NUP160: variants seen among roughly 807,000 people sequenced by gnomAD.
NUP160 encodes nuclear pore complex protein Nup160.
In NUP160, 94 loss-of-function variants were observed where a neutral mutation model predicts 196.9. The observed-to-expected ratio is 0.48, with a 90% confidence interval of 0.40 to 0.57. NUP160 has a LOEUF of 0.57. Among genes scored for constraint, NUP160 ranks in the 20% least tolerant of loss-of-function variants. The pLI is 0.00. For missense variants in NUP160, 1,638 were observed against 1,748.3 expected (o/e 0.94, Z 1.13); for synonymous variants, 605 against 619.7 (o/e 0.98, Z 0.35).
chr11:47,812,305 G>T, exon 16 of NUP160: 1 of 1,613,774 alleles, frequency 6.2e-7, no homozygotes, highest in Non-Finnish European at 8.5e-7. Context: ...CATTTACCTG[G>T]ATTGAATCCC....
intron 7 of NUP160, among the ~76,000 whole-genome samples, chr11:47,828,939 A>C (rs12279350): frequency 0.091 from 13,879 of 152,184 alleles, 943 homozygotes; most frequent in African/African-American, 0.19. Flanking sequence ...AAACCCCACA[A>C]AACTAAAAAA....
At chr11:47,813,161 G>C in intron 14 of NUP160, 114 bp from the exon 15 acceptor site, 2 of 990,296 alleles carry the variant, frequency 2.0e-6, no homozygotes, top group South Asian at 3.1e-5. Context: ...AGGTCTCAGA[G>C]ATGCTTTGGT....
chr11:47,790,250 T>C lies in NUP160; in HGVS notation c.3512-1639A>G, dbSNP rs145932687. Among the ~76,000 whole-genome samples the C allele has an allele frequency of 5.9e-5, 9 of 151,650 alleles. No homozygotes were observed. In the East Asian group the frequency reaches 1.2e-3, roughly 20 times the overall value. The stretch of plus-strand genomic sequence containing the variant: ...CGTGAGTCACTGTGCCTGGCCTATA[T>C]ACTGTACTCTTGGTTGTGGTTGTTT... On this transcript the variant is annotated intron_variant, in intron 29 of 35. Coordinates refer to ENST00000378460, the Ensembl canonical transcript of NUP160.
intron 2 of NUP160, among the ~76,000 whole-genome samples, 198 bp downstream of exon 2, chr11:47,847,650 G>A (rs1196544132): frequency 2.0e-5 from 1 of 51,130 alleles, no homozygotes; most frequent in East Asian, 8.0e-4. Context: ...TGTGGGGGTG[G>A]GGGGGGGGAG....
rs10529981 is a variant in NUP160 at position 47,782,303 on chromosome 11, AATATATATATATATATATAT to A, written c.4116+750_4116+769del. Among the ~76,000 whole-genome samples, 144 of 40,526 alleles carry A rather than the reference AATATATATATATATATATAT, an allele frequency of 3.6e-3. 9 individuals carry two copies. The highest frequency in any genetic ancestry group is 8.8e-3 in the Admixed American group (34 of 3,856). The allele number at this position is 40,526 out of a possible 152,430, so 26.6% of individuals were successfully genotyped here. On this transcript the variant is annotated intron_variant, in intron 34 of 35. Transcript: ENST00000378460. ...CAAAACTCAGTTAAAAAAAAAAAAA[AATATATATATATATATATAT>A]ATATATATATATATATATATATATA...
chr11:47,848,155 T>TG (rs1852437843), intron 1 of NUP160, 64 bp downstream of exon 1: 6 of 1,570,870 alleles, frequency 3.8e-6, no homozygotes, highest in Non-Finnish European at 5.3e-6. Context: ...TCAGGGACCC[T>TG]GGGACCCATG....
intron 13 of NUP160, 85 bp from the exon 14 acceptor site, chr11:47,813,500 G>C (rs1446340289): frequency 1.2e-6 from 1 of 828,260 alleles, no homozygotes; most frequent in Admixed American, 2.0e-5. Context: ...TTATCATGAG[G>C]CAAACCCAAG....
rs181261174 is a variant in NUP160 at position 47,779,782 on chromosome 11, C to T, written c.4221+561G>A. Among the ~76,000 whole-genome samples the T allele has an allele frequency of 8.5e-5, 13 of 152,194 alleles. No individual in the cohort carries two copies. The East Asian group carries it at 1.7e-3, about 20-fold the overall frequency. On this transcript the variant is annotated intron_variant, in intron 35 of 35. Coordinates refer to ENST00000378460, the Ensembl canonical transcript of NUP160. Reference sequence around the variant, plus strand: ...TCACTCTGCTGTCTAGGATGGAGTGCGGTGGTGCAATCTTGGCTCACTGGA... The same window carrying T: ...TCACTCTGCTGTCTAGGATGGAGTGTGGTGGTGCAATCTTGGCTCACTGGA...
chr11:47,827,123 T>C (rs190395451), intron 7 of NUP160: 4 of 456,124 alleles, frequency 8.8e-6, no homozygotes, highest in East Asian at 1.4e-4. Flanking sequence ...TCCCAGCACA[T>C]TGGGAAGCCG....
Position 47,813,204 on chromosome 11 carries a change from G to A in NUP160, c.1786+112C>T, listed in dbSNP as rs1193776312. 3.0e-6 allele frequency: 3 copies of A among 1,003,684 alleles called. No individual in the cohort carries two copies. In the East Asian group the frequency reaches 7.5e-5, roughly 25 times the overall value. 62.2% of individuals were successfully genotyped at this position (1,003,684 alleles called of 1,614,324 possible). On this transcript the variant is annotated intron_variant, in intron 14 of 35. Coordinates refer to ENST00000378460, the Ensembl canonical transcript of NUP160. ...GTGTTCATTAAAATATTTGTGGTGT[G>A]GTAAAGTGACCAAGACAGGTGTGGC...
intron 9 of NUP160, 75 bp from the exon 10 acceptor site, chr11:47,819,533 G>T: frequency 1.0e-6 from 1 of 962,002 alleles, no homozygotes; most frequent in Non-Finnish European, 1.7e-6. Context: ...GGCAGTATCT[G>T]GGCAGGGAGG....
intron 35 of NUP160, among the ~76,000 whole-genome samples, 158 bp from the exon 36 acceptor site, chr11:47,779,352 T>C (rs60137857): frequency 0.11 from 17,446 of 152,228 alleles, 1,166 homozygotes; most frequent in Non-Finnish European, 0.15. Flanking sequence ...GTCTCCTCTG[T>C]GACTCTACTG....
At position 47,806,315 on chromosome 11, in the gene NUP160, T is replaced by TA; in HGVS notation, c.2447-4dup. On this transcript the variant is annotated splice_region_variant and splice_polypyrimidine_tract_variant and intron_variant, in intron 19 of 35. Transcript: ENST00000378460. Reference sequence around the variant, plus strand: ...CACAATAGTCTGAGGACTAGATACTTAAAAAGAAAAAGTTATGACAGTTTT... The same window carrying TA: ...CACAATAGTCTGAGGACTAGATACTTAAAAAAGAAAAAGTTATGACAGTTTT... 1 of 1,603,382 alleles carries TA rather than the reference T, an allele frequency of 6.2e-7. No homozygotes were observed. Among genetic ancestry groups the TA allele is most frequent in the South Asian group, 1.1e-5 (1 of 90,148 alleles).
chr11:47,805,447 C>CTTTTTT (rs34487443), intron 20 of NUP160, among the ~76,000 whole-genome samples: 3 of 133,298 alleles, frequency 2.3e-5, no homozygotes, highest in Admixed American at 7.7e-5. Flanking sequence ...TGAATAATGT[C>CTTTTTT]TTTTTTTTTT....
intron 2 of NUP160, among the ~76,000 whole-genome samples, chr11:47,845,331 G>A (rs369848250): frequency 1.3e-5 from 2 of 152,112 alleles, no homozygotes; most frequent in Non-Finnish European, 2.9e-5. Context: ...GTAGAGACAC[G>A]GTTTCACCAT....
chr11:47,831,079 C>T (rs1852064444), intron 7 of NUP160, among the ~76,000 whole-genome samples: 1 of 152,062 alleles, frequency 6.6e-6, no homozygotes, highest in Non-Finnish European at 1.5e-5. Context: ...GGGAGAATCG[C>T]TTGAACCTGG....
intron 7 of NUP160, among the ~76,000 whole-genome samples, chr11:47,824,993 G>A (rs1286516551): frequency 7.9e-5 from 12 of 151,766 alleles, no homozygotes; most frequent in African/African-American, 2.2e-4. Context: ...CTGCCACCAC[G>A]CCCAGCTAAG....
rs776798239 is a variant in NUP160, at chr11:47,779,235, C to T, written c.4222-41G>A. 7 of 1,296,252 alleles carry T rather than the reference C, an allele frequency of 5.4e-6. 1 individual carries two copies. In the South Asian group the frequency reaches 8.8e-5, roughly 16 times the overall value. The allele number at this position is 1,296,252 out of a possible 1,614,324, so 80.3% of individuals were successfully genotyped here. The stretch of plus-strand genomic sequence containing the variant: ...AGGAAAACATTACATAACAGCTCAA[C>T]AATGGAAAAATATTGAAGTTATTAA... On this transcript the variant is annotated intron_variant, in intron 35 of 35. Coordinates refer to ENST00000378460, the Ensembl canonical transcript of NUP160.
At position 47,812,414 on chromosome 11, in the gene NUP160, C is replaced by T. The variant is rs770403516; in HGVS notation, c.1968G>A (p.Glu656=). Residue 656 remains glutamate, a synonymous_variant, in exon 16 of 36, where the codon GAG becomes GAA. Coordinates refer to ENST00000378460, the Ensembl canonical transcript of NUP160. ...TCTCTTGCAGTTTACTACAAATATC[C>T]TCCATCACATTTTCTCTATAAGGAC... The T allele has an allele frequency of 1.2e-5, 20 of 1,613,022 alleles. No homozygotes were observed. The South Asian group carries it at 1.7e-4, about 13-fold the overall frequency.
Sources: allele counts gnomAD v4.1 joint callset (sites outside exome capture counted in the v4.1 genomes callset), GRCh38; gene constraint gnomAD v4.1.1; transcripts MANE v1.5; gene names NCBI Gene and HGNC (gene_info 2026-07-23, HGNC 2026-07-21).